KIAA1328: variants seen among roughly 807,000 people sequenced by gnomAD.
KIAA1328 encodes protein hinderin.
Under a neutral mutation model 68.1 loss-of-function variants are expected in KIAA1328, and 52 were observed. The observed-to-expected ratio is 0.76, with a 90% confidence interval of 0.61 to 0.96. The LOEUF is 0.96. Among genes scored for constraint, KIAA1328 ranks in the 40% least tolerant of loss-of-function variants. The pLI, the probability that KIAA1328 is intolerant of heterozygous loss-of-function variation, is 0.00. For missense variants in KIAA1328, 641 were observed against 677.6 expected, an observed-to-expected ratio of 0.95 and a Z score of 0.60; for synonymous variants, 232 against 239.4, an observed-to-expected ratio of 0.97 and a Z score of 0.28.
chr18:37,141,957 T>C (rs2058774799), intron 7 of KIAA1328, among the ~76,000 whole-genome samples: 1 of 152,224 alleles, frequency 6.6e-6, no homozygotes, highest in Non-Finnish European at 1.5e-5. Flanking sequence ...ATACAAAGTC[T>C]TCATCAGATG....
At chr18:36,982,372 C>A (rs541099083) in intron 6 of KIAA1328, among the ~76,000 whole-genome samples, 4 of 150,396 alleles carry the variant, frequency 2.7e-5, no homozygotes, top group Non-Finnish European at 5.9e-5. Flanking sequence ...CAGTGATGAA[C>A]AAAAATATCT....
At chr18:36,944,208 G>A (rs920350330) in intron 5 of KIAA1328, among the ~76,000 whole-genome samples, 4 of 152,156 alleles carry the variant, frequency 2.6e-5, no homozygotes, top group African/African-American at 9.7e-5. Context: ...ATGTCATACT[G>A]TTTTTCTTGA....
rs71168249 is a variant in KIAA1328, at chr18:36,953,995, C to CT, written c.449-5295dup. Among the ~76,000 whole-genome samples the CT allele has an allele frequency of 4.1e-3, 464 of 113,534 alleles. 18 individuals carry two copies. Among genetic ancestry groups the CT allele is most frequent in the African/African-American group, 0.013 (421 of 32,950 alleles). 74.5% of individuals were successfully genotyped at this position (113,534 alleles called of 152,430 possible). ...ATATATTGAATTTGTCTGATTGTTT[C>CT]TTTTTTTTTTTTTTTTTTGAGACGG... On this transcript the variant is annotated intron_variant, in intron 5 of 9. Coordinates refer to ENST00000280020, the MANE Select transcript of KIAA1328 (RefSeq NM_020776.3).
At chr18:37,113,432 A>G (rs2058000741) in intron 7 of KIAA1328, among the ~76,000 whole-genome samples, 1 of 152,238 alleles carries the variant, frequency 6.6e-6, no homozygotes, top group South Asian at 2.1e-4. Context: ...AAGGAGAAAT[A>G]AAATCCTTTA....
At chr18:37,024,257 T>A (rs551654948) in intron 6 of KIAA1328, among the ~76,000 whole-genome samples, 1 of 152,044 alleles carries the variant, frequency 6.6e-6, no homozygotes, top group African/African-American at 2.4e-5. Context: ...TACCTCGGAC[T>A]CCCAAAATGC....
intron 5 of KIAA1328, among the ~76,000 whole-genome samples, chr18:36,904,443 C>G (rs1394586944): frequency 1.3e-5 from 2 of 152,000 alleles, no homozygotes; most frequent in East Asian, 3.9e-4. Context: ...TTATCTTCTC[C>G]TAATGAATTC....
chr18:37,016,025 C>T (rs1321731326), intron 6 of KIAA1328, among the ~76,000 whole-genome samples: 2 of 152,038 alleles, frequency 1.3e-5, no homozygotes, highest in African/African-American at 2.4e-5. Context: ...CTAGCACTTC[C>T]AGTACTATGT....
chr18:36,979,983 C>T (rs2052620371), intron 6 of KIAA1328, among the ~76,000 whole-genome samples: 2 of 152,066 alleles, frequency 1.3e-5, no homozygotes, highest in South Asian at 2.1e-4. Flanking sequence ...CAGAGTAATG[C>T]TGTTATAAAA....
chr18:37,050,269 T>G (rs775414094), intron 6 of KIAA1328, among the ~76,000 whole-genome samples: 110 of 152,294 alleles, frequency 7.2e-4, no homozygotes, highest in Admixed American at 2.0e-3. Flanking sequence ...ATACATCTTA[T>G]AGATCATTTT....
chr18:37,075,338 A>G (rs1017544802), intron 7 of KIAA1328: 1 of 152,240 alleles, frequency 6.6e-6, no homozygotes, highest in Non-Finnish European at 1.5e-5. Flanking sequence ...GGAAGCACTA[A>G]ACATGGAAAG....
At chr18:37,040,694 A>G (rs1336235904) in intron 6 of KIAA1328, among the ~76,000 whole-genome samples, 1 of 151,654 alleles carries the variant, frequency 6.6e-6, no homozygotes, top group Non-Finnish European at 1.5e-5. Context: ...TAGATGTTTA[A>G]AGCTATAAAT....
At chr18:36,885,987 G>A (rs2048488051) in intron 5 of KIAA1328, 2 of 320,240 alleles carry the variant, frequency 6.2e-6, no homozygotes, top group Non-Finnish European at 1.1e-5. Flanking sequence ...AAAGTGCTAG[G>A]ATTACAGGTG....
intron 6 of KIAA1328, among the ~76,000 whole-genome samples, chr18:37,013,062 T>A (rs1009476072): frequency 6.6e-6 from 1 of 152,160 alleles, no homozygotes; most frequent in East Asian, 1.9e-4. Context: ...ATCACATATA[T>A]TTAGAAATTT....
intron 7 of KIAA1328, among the ~76,000 whole-genome samples, chr18:37,119,859 G>T (rs2058222216): frequency 6.6e-6 from 1 of 152,100 alleles, no homozygotes; most frequent in African/African-American, 2.4e-5. Context: ...GTTGCAGTGA[G>T]TTCGCCTAGC....
Position 36,834,335 on chromosome 18 carries a change from AATCAGTAGT to A in KIAA1328, c.77_85del (p.Ser26_Val28del). On this transcript the variant is annotated inframe_deletion, in exon 2 of 10. Transcript: ENST00000280020. ...TCCTGCGTAGTTTCTGATGAAGAACAATCAGTAGTATACGTTCCAGGTATGATTTTCTAT... is the reference window on the plus strand; with the variant it reads ...TCCTGCGTAGTTTCTGATGAAGAACAATACGTTCCAGGTATGATTTTCTAT... The A allele has an allele frequency of 6.3e-7, 1 of 1,587,656 alleles. No homozygotes were observed. The highest frequency in any genetic ancestry group is 8.6e-7 in the Non-Finnish European group (1 of 1,168,934).
At chr18:36,991,722 G>A (rs2053185279) in intron 6 of KIAA1328, among the ~76,000 whole-genome samples, 1 of 152,180 alleles carries the variant, frequency 6.6e-6, no homozygotes, top group Non-Finnish European at 1.5e-5. Context: ...TGACATGTTA[G>A]CTATGGCCCT....
intron 9 of KIAA1328, among the ~76,000 whole-genome samples, chr18:37,204,739 C>T (rs2060183769): frequency 9.4e-6 from 1 of 106,344 alleles, no homozygotes; most frequent in African/African-American, 3.4e-5. Flanking sequence ...AGACCAAACA[C>T]ATAATTAAAA....
intron 6 of KIAA1328, among the ~76,000 whole-genome samples, chr18:37,026,417 C>CA (rs918749427): frequency 6.6e-6 from 1 of 151,954 alleles, no homozygotes; most frequent in Non-Finnish European, 1.5e-5. Flanking sequence ...AGAGACACAA[C>CA]AAAAAAAGAG....
At position 37,190,864 on chromosome 18, in the gene KIAA1328, T is replaced by G. The variant is rs145748608; in HGVS notation, c.1523+17783T>G. Among the ~76,000 whole-genome samples, 413 of 152,336 alleles carry G rather than the reference T, an allele frequency of 2.7e-3. 1 individual carries two copies. The highest frequency in any genetic ancestry group is 9.6e-3 in the African/African-American group (399 of 41,568). ...AAATTCACTCCTTCCTAGTGACACC[T>G]CTTGTGTTTCAATAACAAATTCATT... is the stretch of plus-strand genomic sequence containing the variant. On this transcript the variant is annotated intron_variant, in intron 9 of 9. Coordinates refer to ENST00000280020, the MANE Select transcript of KIAA1328 (RefSeq NM_020776.3).
Sources: allele counts gnomAD v4.1 joint callset (sites outside exome capture counted in the v4.1 genomes callset), GRCh38; gene constraint gnomAD v4.1.1; transcripts MANE v1.5; gene names NCBI Gene and HGNC (gene_info 2026-07-23, HGNC 2026-07-21).